PRUNE2: variants seen among roughly 807,000 people sequenced by gnomAD.
PRUNE2 encodes protein prune homolog 2.
In PRUNE2, 164 loss-of-function variants were observed where a neutral mutation model predicts 252.0. The observed-to-expected ratio is 0.65, with a 90% CI of 0.57 to 0.74. PRUNE2 has a LOEUF of 0.74. PRUNE2 is among the 30% of genes least tolerant of loss of function. The pLI is 0.00. For synonymous variants in PRUNE2, 1,292 were observed against 1,350.2 expected, an observed-to-expected ratio of 0.96 and a Z score of 0.94; for missense variants, 3,495 against 3,711.0, an observed-to-expected ratio of 0.94 and a Z score of 1.51.
intron 9 of PRUNE2, chr9:76,692,270 G>C (rs2044846748): frequency 1.5e-6 from 1 of 667,502 alleles, no homozygotes; most frequent in Non-Finnish European, 2.8e-6. Flanking sequence ...GTGGCTAGGG[G>C]GCACAGCTGG....
chr9:76,783,698 T>C (rs1348601817), intron 6 of PRUNE2: 1 of 152,182 alleles, frequency 6.6e-6, no homozygotes, highest in Non-Finnish European at 1.5e-5. Context: ...GTCGTATGTA[T>C]TTCCAGGTGA....
At chr9:76,649,152 T>A (rs1223515015) in intron 11 of PRUNE2, among the ~76,000 whole-genome samples, 1 of 152,168 alleles carries the variant, frequency 6.6e-6, no homozygotes, top group Non-Finnish European at 1.5e-5. Context: ...CATTAATTTT[T>A]AAAAAGCAAA....
At chr9:76,696,612 G>C (rs2045411565) in intron 9 of PRUNE2, among the ~76,000 whole-genome samples, 1 of 152,172 alleles carries the variant, frequency 6.6e-6, no homozygotes, top group Admixed American at 6.5e-5. Context: ...TTTTAGTAGA[G>C]ACGGGGTTTC....
chr9:76,621,117 C>T lies in PRUNE2; in HGVS notation c.9189-1730G>A, dbSNP rs192201782. ...TGTTGAGAAACTAGTGGGCATAAAG[C>T]AAAACAGTGGACAGATAGGTTTTGT... On this transcript the variant is annotated intron_variant, in intron 17 of 18. Coordinates refer to ENST00000376718, the MANE Select transcript of PRUNE2 (RefSeq NM_015225.3). 5.3e-5 allele frequency among the ~76,000 whole-genome samples: 8 copies of T among 151,764 alleles called. No individual in the cohort carries two copies. The East Asian group carries it at 1.4e-3, about 26-fold the overall frequency.
At chr9:76,745,622 A>G (rs888619274) in intron 6 of PRUNE2, among the ~76,000 whole-genome samples, 2 of 151,982 alleles carry the variant, frequency 1.3e-5, no homozygotes, top group African/African-American at 4.8e-5. Flanking sequence ...CTTCCCCCAA[A>G]CTATCCTTGA....
intron 9 of PRUNE2, among the ~76,000 whole-genome samples, chr9:76,694,089 A>T (rs1157087821): frequency 6.6e-6 from 1 of 152,240 alleles, no homozygotes; most frequent in Non-Finnish European, 1.5e-5. Flanking sequence ...CTGGCTCATT[A>T]GAAGGGGCTT....
At chr9:76,716,807 C>G (rs471083) in intron 6 of PRUNE2, among the ~76,000 whole-genome samples, 83,404 of 151,050 alleles carry the variant, frequency 0.55, 24,051 homozygotes, top group Middle Eastern at 0.74. Context: ...ATTCCCTCCC[C>G]TCGCCCCCCA....
Position 76,707,742 on chromosome 9 carries a change from T to C in PRUNE2, c.4532A>G (p.Lys1511Arg), listed in dbSNP as rs1290983038. 3.7e-6 allele frequency: 6 copies of C among 1,613,712 alleles called. No homozygotes were observed. Among genetic ancestry groups the C allele is most frequent in the Non-Finnish European group, 5.1e-6 (6 of 1,179,846 alleles). ...HVSSTCSEIT[K>R]NLDVKGSENS... ...TTCAGACCCCTTAACGTCAAGATTT[T>C]TGGTTATCTCAGAACATGTGCTGCT... is the stretch of plus-strand genomic sequence containing the variant. The change falls in exon 8 of 19, where the codon AAA becomes AGA. Residue 1511 changes from lysine (K) to arginine (R), a missense_variant. Physicochemically the swap from Lys to Arg is conservative, Grantham distance 26 (BLOSUM62 2). Coordinates refer to ENST00000376718, the MANE Select transcript of PRUNE2 (RefSeq NM_015225.3).
chr9:76,758,676 A>C (rs982030188), intron 6 of PRUNE2: 2 of 128,170 alleles, frequency 1.6e-5, no homozygotes, highest in Admixed American at 1.8e-4. Context: ...GTGTTTGGAA[A>C]GGATGCAGGC....
chr9:76,817,549 C>T (rs1396292184), intron 6 of PRUNE2, among the ~76,000 whole-genome samples: 3 of 152,154 alleles, frequency 2.0e-5, no homozygotes, highest in Admixed American at 6.5e-5. Context: ...AAACTCCACC[C>T]TTGGCCCTCC....
intron 9 of PRUNE2, among the ~76,000 whole-genome samples, chr9:76,662,173 G>C (rs556545989): frequency 3.3e-4 from 50 of 152,306 alleles, no homozygotes; most frequent in African/African-American, 1.2e-3. Context: ...ATTCAACTCA[G>C]CCCAGGAAGT....
At chr9:76,900,088 A>G (rs2063080347) in intron 1 of PRUNE2, among the ~76,000 whole-genome samples, 1 of 152,082 alleles carries the variant, frequency 6.6e-6, no homozygotes, top group Non-Finnish European at 1.5e-5. Flanking sequence ...TAGGGAAGAG[A>G]TGAAGGAAAA....
chr9:76,839,670 G>A (rs1253947285), intron 4 of PRUNE2, among the ~76,000 whole-genome samples: 3 of 152,192 alleles, frequency 2.0e-5, no homozygotes, highest in Non-Finnish European at 2.9e-5. Context: ...AATTTACAAG[G>A]TCATTCTGAA....
chr9:76,745,860 T>A (rs959197712), intron 6 of PRUNE2, among the ~76,000 whole-genome samples: 1 of 152,144 alleles, frequency 6.6e-6, no homozygotes, highest in African/African-American at 2.4e-5. Context: ...CTCATCCCTC[T>A]CTCCGACCAC....
intron 6 of PRUNE2, among the ~76,000 whole-genome samples, chr9:76,767,451 CAA>C (rs33948203): frequency 6.8e-6 from 1 of 146,448 alleles, no homozygotes. Flanking sequence ...AACTCTGTCT[CAA>C]AAAAAAAAAG....
intron 9 of PRUNE2, among the ~76,000 whole-genome samples, chr9:76,689,771 A>C (rs1306203121): frequency 1.3e-5 from 2 of 152,102 alleles, no homozygotes; most frequent in Non-Finnish European, 2.9e-5. Flanking sequence ...ACAATCACTC[A>C]CTCTAACTAG....
At position 76,644,919 on chromosome 9, in the gene PRUNE2, A is replaced by ACAAAG. The variant is rs748899337; in HGVS notation, c.8558-15_8558-11dup. On this transcript the variant is annotated splice_polypyrimidine_tract_variant and intron_variant, in intron 11 of 18. Transcript: ENST00000376718. ...TTGTTGGCTGTGGGATCTTCTGGAA[A>ACAAAG]CAAAGCACAGAGCAAGGCTGAAGGA... 2 of 1,612,284 alleles carry ACAAAG rather than the reference A, an allele frequency of 1.2e-6. No homozygotes were observed. Among genetic ancestry groups the ACAAAG allele is most frequent in the East Asian group, 4.5e-5 (2 of 44,794 alleles).
At chr9:76,732,400 G>T (rs551413948) in intron 6 of PRUNE2, among the ~76,000 whole-genome samples, 1 of 152,186 alleles carries the variant, frequency 6.6e-6, no homozygotes, top group Admixed American at 6.5e-5. Context: ...GTCTATCATG[G>T]TCTAGAACCT....
intron 9 of PRUNE2, chr9:76,687,694 GA>G: frequency 2.8e-6 from 1 of 359,808 alleles, no homozygotes; most frequent in Non-Finnish European, 5.8e-6. Context: ...GAGCCATATG[GA>G]AAGTGTTAGC....
Sources: gnomAD v4.1 joint callset for allele counts (sites outside exome capture counted in the v4.1 genomes callset) on GRCh38, gnomAD v4.1.1 for gene constraint, MANE v1.5 for transcripts, NCBI Gene and HGNC (gene_info 2026-07-23, HGNC 2026-07-21) for gene names.